NIPAL2: variants seen among roughly 807,000 people sequenced by gnomAD.
The protein encoded by NIPAL2 is NIPA-like protein 2.
Under a neutral mutation model 48.9 loss-of-function variants are expected in NIPAL2, and 43 were observed. That is an observed-to-expected ratio of 0.88 (90% confidence interval 0.69 to 1.13). The LOEUF (loss-of-function observed/expected upper bound fraction) is 1.13, where lower values mean the gene tolerates loss of function less well. Among genes scored for constraint, NIPAL2 ranks in the 50% most tolerant of loss-of-function variants. The probability of loss-of-function intolerance (pLI) is 0.00; values close to 1 mark genes in which losing one functional copy is unlikely to be tolerated. For missense variants in NIPAL2, 446 were observed against 461.4 expected (o/e 0.97, Z 0.31); for synonymous variants, 167 against 174.6 (o/e 0.96, Z 0.34).
At chr8:98,224,261 G>A (rs1812040230) in intron 4 of NIPAL2, among the ~76,000 whole-genome samples, 2 of 152,130 alleles carry the variant, frequency 1.3e-5, no homozygotes, top group Non-Finnish European at 2.9e-5. Context: ...CCTCCTCAAA[G>A]TTAACTACTA....
In NIPAL2 at chr8:98,193,076, C is replaced by T; in HGVS notation, c.1054G>A (p.Asp352Asn). Residue 352 changes from aspartate to asparagine, a missense_variant, in exon 11 of 11, where the codon GAC (aspartate) becomes AAC (asparagine). Transcript: ENST00000430223. ...FGNIPGKQMLDKIQPDSHSLS... is the reference protein window; with the variant it reads ...FGNIPGKQMLNKIQPDSHSLS... ...CTATGTGAATCTGGTTGTATTTTGT[C>T]CAACATTTGTTTCCCTGTGGAGATA... The T allele has an allele frequency of 6.2e-7, 1 of 1,613,174 alleles. No individual in the cohort carries two copies. The highest frequency in any genetic ancestry group is 8.5e-7 in the Non-Finnish European group (1 of 1,179,166).
intron 1 of NIPAL2, among the ~76,000 whole-genome samples, chr8:98,266,291 A>AC (rs1011336172): frequency 6.7e-6 from 1 of 149,352 alleles, no homozygotes; most frequent in Non-Finnish European, 1.5e-5. Context: ...ATAAAAAAAA[A>AC]AAGAAAATGA....
intron 8 of NIPAL2, among the ~76,000 whole-genome samples, chr8:98,201,699 T>G (rs903392151): frequency 9.2e-5 from 14 of 152,222 alleles, no homozygotes; most frequent in African/African-American, 3.4e-4. Context: ...CCTATTTTCC[T>G]TTTCCAATAA....
chr8:98,285,529 A>C (rs1369786326), intron 1 of NIPAL2, among the ~76,000 whole-genome samples: 2 of 152,150 alleles, frequency 1.3e-5, no homozygotes, highest in Admixed American at 1.3e-4. Context: ...TGTACCCTAG[A>C]GGGGCGAGCC....
intron 1 of NIPAL2, among the ~76,000 whole-genome samples, chr8:98,261,032 C>G (rs972675512): frequency 1.3e-5 from 2 of 152,148 alleles, no homozygotes; most frequent in Admixed American, 1.3e-4. Flanking sequence ...ACACCTCACA[C>G]GGCAGGGTAT....
At chr8:98,230,624 T>C (rs1203789064) in intron 4 of NIPAL2, among the ~76,000 whole-genome samples, 2 of 152,200 alleles carry the variant, frequency 1.3e-5, no homozygotes. Flanking sequence ...ACTTGATATT[T>C]AACTGGATCC....
At chr8:98,221,453 C>G (rs1032323803) in intron 5 of NIPAL2, among the ~76,000 whole-genome samples, 1 of 150,592 alleles carries the variant, frequency 6.6e-6, no homozygotes, top group Non-Finnish European at 1.5e-5. Context: ...GAAAAATATA[C>G]AAGTTTAAAT....
intron 3 of NIPAL2, among the ~76,000 whole-genome samples, chr8:98,250,194 G>C (rs1304156188): frequency 6.6e-6 from 1 of 152,154 alleles, no homozygotes; most frequent in Non-Finnish European, 1.5e-5. Context: ...AAGCAACACT[G>C]CAATAGGTTT....
At chr8:98,210,539 G>A (rs1000800421) in intron 6 of NIPAL2, among the ~76,000 whole-genome samples, 7 of 152,112 alleles carry the variant, frequency 4.6e-5, no homozygotes, top group African/African-American at 1.2e-4. Flanking sequence ...TTTTGTAAAC[G>A]TTACACAGGC....
intron 1 of NIPAL2, among the ~76,000 whole-genome samples, chr8:98,261,590 AAG>A (rs1255757803): frequency 9.3e-6 from 1 of 107,122 alleles, no homozygotes; most frequent in Non-Finnish European, 1.9e-5. Flanking sequence ...AAAGAATAAA[AAG>A]AAATGAGCAA....
At chr8:98,279,745 A>G (rs1382439211) in intron 1 of NIPAL2, among the ~76,000 whole-genome samples, 1 of 152,254 alleles carries the variant, frequency 6.6e-6, no homozygotes, top group Non-Finnish European at 1.5e-5. Flanking sequence ...TTCTCAATAC[A>G]AATGAAATAA....
At chr8:98,248,930 C>T (rs1813430712) in intron 3 of NIPAL2, among the ~76,000 whole-genome samples, 1 of 152,190 alleles carries the variant, frequency 6.6e-6, no homozygotes, top group South Asian at 2.1e-4. Flanking sequence ...TGAGATCTTT[C>T]CCCATTGTGC....
chr8:98,220,055 A>T lies in NIPAL2; in HGVS notation c.558+2424T>A, dbSNP rs944512074. Reference sequence around the variant, plus strand: ...AGTGTATGAGAATTTTTTTTTTTTTAAACAGAGAAACCTAAGTATCTTTGT... The same window carrying T: ...AGTGTATGAGAATTTTTTTTTTTTTTAACAGAGAAACCTAAGTATCTTTGT... On this transcript the variant is annotated intron_variant, in intron 5 of 10. Transcript: ENST00000430223. Among the ~76,000 whole-genome samples the T allele has an allele frequency of 5.2e-4, 78 of 151,278 alleles. 1 individual carries two copies. In the South Asian group the frequency reaches 0.014, roughly 26 times the overall value.
intron 3 of NIPAL2, among the ~76,000 whole-genome samples, chr8:98,242,278 C>T (rs550862947): frequency 3.8e-4 from 58 of 151,324 alleles, no homozygotes; most frequent in Non-Finnish European, 4.3e-4. Context: ...CTCCTGAGCT[C>T]ACGTGATTCT....
intron 1 of NIPAL2, among the ~76,000 whole-genome samples, chr8:98,258,378 A>G (rs1490687545): frequency 6.6e-6 from 1 of 152,212 alleles, no homozygotes; most frequent in African/African-American, 2.4e-5. Flanking sequence ...AAAATTTTAT[A>G]TTACTTATAT....
chr8:98,265,003 C>CCTGAGAAAAACCTGAGAA, intron 1 of NIPAL2, among the ~76,000 whole-genome samples: 1 of 136,242 alleles, frequency 7.3e-6, no homozygotes, highest in Middle Eastern at 3.8e-3. Context: ...TGATCTTTGA[C>CCTGAGAAAAACCTGAGAA]AAACCTGAGA....
intron 1 of NIPAL2, among the ~76,000 whole-genome samples, chr8:98,265,846 G>A (rs1236541033): frequency 1.6e-4 from 24 of 150,210 alleles, no homozygotes; most frequent in South Asian, 8.5e-4. Flanking sequence ...TGTTTATTGC[G>A]GCATTATTCA....
intron 1 of NIPAL2, among the ~76,000 whole-genome samples, chr8:98,278,957 A>T (rs548264078): frequency 3.9e-5 from 6 of 152,344 alleles, no homozygotes; most frequent in Admixed American, 3.3e-4. Context: ...GCTGACTTTT[A>T]AAATCTAGTG....
rs555878791 is a variant in NIPAL2 at position 98,229,350 on chromosome 8, G to A, written c.437-6750C>T. On this transcript the variant is annotated intron_variant, in intron 4 of 10. Transcript: ENST00000430223. The stretch of plus-strand genomic sequence containing the variant: ...AATAGATACACTAGTTATACTGGGA[G>A]AGCATATGCCAAGGGAATGTAATCT... 8.5e-5 allele frequency among the ~76,000 whole-genome samples: 13 copies of A among 152,270 alleles called. No individual in the cohort carries two copies. In the East Asian group the frequency reaches 2.3e-3, roughly 27 times the overall value.
Sources: gnomAD v4.1 joint callset for allele counts (sites outside exome capture counted in the v4.1 genomes callset) on GRCh38, gnomAD v4.1.1 for gene constraint, MANE v1.5 for transcripts, NCBI Gene and HGNC (gene_info 2026-07-23, HGNC 2026-07-21) for gene names.